MECOM: variants seen among roughly 807,000 people sequenced by gnomAD.
The protein encoded by MECOM is MDS1 and EVI1 complex locus.
MECOM carries 13 observed loss-of-function variants against 116.3 expected under a neutral mutation model. The ratio of observed to expected loss-of-function variants is 0.11; its 90% CI spans 0.07 to 0.18. MECOM has a LOEUF of 0.18. Among genes scored for constraint, MECOM ranks in the 10% least tolerant of loss-of-function variants. The pLI is 1.00. For missense variants in MECOM, 1,299 were observed against 1,509.0 expected (o/e 0.86, Z 2.31); for synonymous variants, 528 against 535.2 (o/e 0.99, Z 0.19).
chr3:169,245,456 CT>C (rs1458525673), intron 2 of MECOM, among the ~76,000 whole-genome samples: 1 of 152,146 alleles, frequency 6.6e-6, no homozygotes, highest in African/African-American at 2.4e-5. Context: ...TGGCTTAGTG[CT>C]TTTCAATTGT....
intron 1 of MECOM, among the ~76,000 whole-genome samples, chr3:169,640,630 A>C (rs1773346229): frequency 6.6e-6 from 1 of 152,218 alleles, no homozygotes; most frequent in African/African-American, 2.4e-5. Flanking sequence ...GAGAATTTCA[A>C]AGTGCTAAGC....
At chr3:169,327,657 AG>A (rs370052949) in intron 2 of MECOM, among the ~76,000 whole-genome samples, 11 of 150,594 alleles carry the variant, frequency 7.3e-5, no homozygotes, top group South Asian at 4.2e-4. Flanking sequence ...AAAAAAAAAA[AG>A]AAAAAAAAGC....
intron 1 of MECOM, among the ~76,000 whole-genome samples, chr3:169,470,604 A>G (rs185052220): frequency 1.1e-4 from 17 of 152,266 alleles, no homozygotes; most frequent in African/African-American, 3.1e-4. Flanking sequence ...GAAGAAAGTG[A>G]TATGTATTAG....
chr3:169,274,698 C>T (rs1759377921), intron 2 of MECOM, among the ~76,000 whole-genome samples: 1 of 152,102 alleles, frequency 6.6e-6, no homozygotes, highest in Non-Finnish European at 1.5e-5. Flanking sequence ...CCACATATGA[C>T]AATTTAAAGT....
chr3:169,658,626 C>T lies in MECOM; in HGVS notation c.37+4710G>A, dbSNP rs961232325. Among the ~76,000 whole-genome samples the T allele has an allele frequency of 2.6e-5, 4 of 152,038 alleles. No individual in the cohort carries two copies. The East Asian group carries it at 7.7e-4, about 29-fold the overall frequency. On this transcript the variant is annotated intron_variant, in intron 1 of 16. Transcript: ENST00000651503. Reference sequence around the variant, plus strand: ...GCCTGAGGAGCGAGGTGTAGGGGGCCCCCTGAGTGAGAAACTGCCTCCCAC... The same window carrying T: ...GCCTGAGGAGCGAGGTGTAGGGGGCTCCCTGAGTGAGAAACTGCCTCCCAC...
chr3:169,142,152 T>A (rs1275077999), intron 3 of MECOM, among the ~76,000 whole-genome samples: 1 of 151,896 alleles, frequency 6.6e-6, no homozygotes, highest in Non-Finnish European at 1.5e-5. Context: ...ACATTTATTA[T>A]AAAACACTAC....
At chr3:169,400,191 C>T (rs1735656754) in intron 1 of MECOM, among the ~76,000 whole-genome samples, 1 of 152,138 alleles carries the variant, frequency 6.6e-6, no homozygotes, top group African/African-American at 2.4e-5. Context: ...AAGTGTATAG[C>T]TCCCACCTCC....
chr3:169,367,150 G>T (rs1729314842), intron 2 of MECOM, among the ~76,000 whole-genome samples: 1 of 152,056 alleles, frequency 6.6e-6, no homozygotes, highest in South Asian at 2.1e-4. Flanking sequence ...AAACAGAAAT[G>T]CAGAGTGCTG....
At chr3:169,257,554 G>T (rs117991210) in intron 2 of MECOM, among the ~76,000 whole-genome samples, 2 of 152,210 alleles carry the variant, frequency 1.3e-5, no homozygotes, top group East Asian at 3.9e-4. Context: ...TTTTATTCAA[G>T]GTCTTATTGA....
intron 1 of MECOM, among the ~76,000 whole-genome samples, chr3:169,609,755 T>C (rs1000174092): frequency 6.6e-6 from 1 of 152,186 alleles, no homozygotes; most frequent in African/African-American, 2.4e-5. Flanking sequence ...TCACTGTGTG[T>C]TCATTGTTTA....
intron 2 of MECOM, among the ~76,000 whole-genome samples, chr3:169,272,264 G>C (rs1324791597): frequency 6.6e-6 from 1 of 152,168 alleles, no homozygotes; most frequent in Non-Finnish European, 1.5e-5. Flanking sequence ...GACTACTGGA[G>C]ATCTAACATG....
chr3:169,388,673 G>C (rs1733765196), intron 1 of MECOM, among the ~76,000 whole-genome samples: 1 of 152,186 alleles, frequency 6.6e-6, no homozygotes, highest in Admixed American at 6.5e-5. Flanking sequence ...TCCTGCTCCA[G>C]AGGGGAGTGA....
intron 2 of MECOM, among the ~76,000 whole-genome samples, chr3:169,315,620 A>G (rs1719601520): frequency 6.6e-6 from 1 of 152,206 alleles, no homozygotes; most frequent in South Asian, 2.1e-4. Context: ...ATTCATGGCC[A>G]TATACTACCA....
chr3:169,193,738 C>A (rs1190347270), intron 2 of MECOM, among the ~76,000 whole-genome samples: 1 of 151,794 alleles, frequency 6.6e-6, no homozygotes, highest in Non-Finnish European at 1.5e-5. Flanking sequence ...ATGTTAATCA[C>A]CTATTTCAAA....
At chr3:169,562,139 CAAAAAAAAAAAAA>C (rs10714325) in intron 1 of MECOM, among the ~76,000 whole-genome samples, 5 of 25,288 alleles carry the variant, frequency 2.0e-4, no homozygotes, top group Admixed American at 1.9e-3. Flanking sequence ...GAGCAATACT[CAAAAAAAAAAAAA>C]AAAAAAAAAA....
At chr3:169,404,255 G>C (rs1736312378) in intron 1 of MECOM, among the ~76,000 whole-genome samples, 1 of 151,904 alleles carries the variant, frequency 6.6e-6, no homozygotes, top group East Asian at 1.9e-4. Context: ...ATATAAACTG[G>C]AGTTTTTATT....
At chr3:169,396,075 T>C (rs745795992) in intron 1 of MECOM, among the ~76,000 whole-genome samples, 1 of 152,246 alleles carries the variant, frequency 6.6e-6, no homozygotes, top group Non-Finnish European at 1.5e-5. Context: ...ACTAATTATA[T>C]GGCATTTCTA....
chr3:169,587,590 A>C (rs113501203), intron 1 of MECOM, among the ~76,000 whole-genome samples: 91 of 152,206 alleles, frequency 6.0e-4, no homozygotes, highest in African/African-American at 2.1e-3. Flanking sequence ...AGATGCAAAT[A>C]TTGTTGGATC....
At chr3:169,376,755 AAAGT>A (rs1731108955) in intron 2 of MECOM, among the ~76,000 whole-genome samples, 1 of 152,224 alleles carries the variant, frequency 6.6e-6, no homozygotes, top group Non-Finnish European at 1.5e-5. Flanking sequence ...CATACTGCTC[AAAGT>A]AATTTATAGA....
Sources: allele counts gnomAD v4.1 joint callset (sites outside exome capture counted in the v4.1 genomes callset), GRCh38; gene constraint gnomAD v4.1.1; transcripts MANE v1.5; gene names NCBI Gene and HGNC (gene_info 2026-07-23, HGNC 2026-07-21).